GRAMD1B: variants seen among roughly 807,000 people sequenced by gnomAD.
GRAMD1B encodes the protein protein Aster-B.
In GRAMD1B, 37 loss-of-function variants were observed where a neutral mutation model predicts 99.7. The observed-to-expected ratio is 0.37, with a 90% CI of 0.29 to 0.49. The LOEUF is 0.49. GRAMD1B is among the 20% of genes least tolerant of loss of function. GRAMD1B has a pLI of 0.98. For missense variants in GRAMD1B, 888 were observed against 1,009.2 expected, an observed-to-expected ratio of 0.88 and a Z score of 1.63; for synonymous variants, 427 against 387.6, an observed-to-expected ratio of 1.10 and a Z score of -1.19.
chr11:123,493,390 C>T (rs1938836027), intron 2 of GRAMD1B, among the ~76,000 whole-genome samples: 2 of 152,178 alleles, frequency 1.3e-5, no homozygotes, highest in East Asian at 1.9e-4. Context: ...CTGGGCTTAG[C>T]CTGCAAGGGG....
rs923630635 is a variant in GRAMD1B at position 123,598,137 on chromosome 11, A to G, written c.969+2100A>G. 3.9e-5 allele frequency: 62 copies of G among 1,587,796 alleles called. No individual in the cohort carries two copies. The South Asian group carries it at 4.3e-4, about 11-fold the overall frequency. ...AAGTGAGCAGTGTTTGGGATGCCCA[A>G]ACACCTCATGCCATGCCATGAGCAT... is the stretch of plus-strand genomic sequence containing the variant. On this transcript the variant is annotated intron_variant, in intron 7 of 19. Coordinates refer to ENST00000635736, the MANE Select transcript of GRAMD1B (RefSeq NM_001387025.1).
chr11:123,499,740 A>G (rs2714077), intron 2 of GRAMD1B, among the ~76,000 whole-genome samples: 105,698 of 152,064 alleles, frequency 0.7, 36,890 homozygotes, highest in Middle Eastern at 0.72. Flanking sequence ...CTGTGGGAGT[A>G]GAGGTTGTTT....
chr11:123,408,700 A>C (rs1947938625), intron 1 of GRAMD1B, among the ~76,000 whole-genome samples: 1 of 152,256 alleles, frequency 6.6e-6, no homozygotes, highest in African/African-American at 2.4e-5. Flanking sequence ...ACTCATGGGT[A>C]GTGAGCATTC....
At chr11:123,608,964 G>T (rs545646571) in intron 12 of GRAMD1B, among the ~76,000 whole-genome samples, 162 bp downstream of exon 12, 2 of 151,952 alleles carry the variant, frequency 1.3e-5, no homozygotes, top group Non-Finnish European at 2.9e-5. Context: ...TCTGTGGTTC[G>T]GGAGCTCCTT....
At chr11:123,566,496 G>A (rs1419337833) in intron 2 of GRAMD1B, among the ~76,000 whole-genome samples, 1 of 152,162 alleles carries the variant, frequency 6.6e-6, no homozygotes, top group Admixed American at 6.5e-5. Context: ...GCCGAGCGCG[G>A]TGGCTCACGC....
chr11:123,389,492 C>A (rs1947198287), intron 1 of GRAMD1B, among the ~76,000 whole-genome samples: 2 of 151,942 alleles, frequency 1.3e-5, no homozygotes, highest in South Asian at 4.2e-4. Context: ...AAACTGTCAG[C>A]CAAGAGGAGC....
upstream of GRAMD1B, among the ~76,000 whole-genome samples, chr11:123,426,403 TGCTCAGCAGCAAAATGA>T (rs958007499): frequency 2.6e-5 from 4 of 152,220 alleles, no homozygotes; most frequent in East Asian, 5.8e-4. Context: ...CATTTCCTCT[TGCTCAGCAGCAAAATGA>T]GAGCTGCAGA....
chr11:123,593,829 C>A (rs1950949036), intron 4 of GRAMD1B, among the ~76,000 whole-genome samples: 1 of 152,070 alleles, frequency 6.6e-6, no homozygotes, highest in Non-Finnish European at 1.5e-5. Flanking sequence ...TAACGAGAGC[C>A]CCTCCTTGCT....
At chr11:123,428,934 G>A (rs1250418497), upstream of GRAMD1B, among the ~76,000 whole-genome samples, 1 of 152,188 alleles carries the variant, frequency 6.6e-6, no homozygotes, top group East Asian at 1.9e-4. Flanking sequence ...GCTCATGCCT[G>A]TAATCTCAGC....
intron 2 of GRAMD1B, among the ~76,000 whole-genome samples, chr11:123,493,848 C>T (rs1335846339): frequency 1.3e-5 from 2 of 152,112 alleles, no homozygotes; most frequent in African/African-American, 4.8e-5. Context: ...CTGAGTTCTT[C>T]CTCCCTGTTA....
In GRAMD1B at chr11:123,618,267, G is replaced by T. The variant is rs964326421; in HGVS notation, c.2319-426G>T. On this transcript the variant is annotated intron_variant, in intron 17 of 19. Transcript: ENST00000635736. ...TCACTCACTCCCAGGTTGATTTTCA[G>T]TGCAGGTTTCCCCTTCCCCACACTT... The T allele has an allele frequency of 2.5e-6, 3 of 1,212,488 alleles. No homozygotes were observed. The African/African-American group carries it at 4.5e-5, about 18-fold the overall frequency. 75.1% of individuals were successfully genotyped at this position (1,212,488 alleles called of 1,614,324 possible).
At position 123,430,949 on chromosome 11, in the gene GRAMD1B, G is replaced by A; in HGVS notation, c.157G>A (p.Glu53Lys). Residue 53 changes from glutamate to lysine, a missense_variant, in exon 1 of 20, where the codon GAG (glutamate) becomes AAG (lysine). Coordinates refer to ENST00000635736, the MANE Select transcript of GRAMD1B (RefSeq NM_001387025.1). ...GATGCGCCGCATGAAGAACGTACAG[G>A]AGCAGAGCCTGGAGGCCGGGCTGGC... ...FKMRRMKNVQ[E>K]QSLEAGLARD... is the part of the protein sequence containing the mutation. 1.4e-6 allele frequency: 1 copy of A among 702,874 alleles called. No homozygotes were observed. 43.5% of individuals were successfully genotyped at this position (702,874 alleles called of 1,614,324 possible). A position where few individuals can be genotyped will look rare whatever the true frequency, so the allele number is the denominator to read the frequency against.
At chr11:123,376,086 G>A (rs985638330) in intron 1 of GRAMD1B, among the ~76,000 whole-genome samples, 8 of 151,634 alleles carry the variant, frequency 5.3e-5, no homozygotes, top group African/African-American at 1.9e-4. Flanking sequence ...TTTCTTCCCT[G>A]GCCAATATGT....
intron 1 of GRAMD1B, among the ~76,000 whole-genome samples, chr11:123,467,819 T>TTCCC (rs758659782): frequency 3.4e-4 from 48 of 139,846 alleles, no homozygotes; most frequent in Non-Finnish European, 5.0e-4. Flanking sequence ...TTCTTTTCTT[T>TTCCC]TCCCTCCCTC....
intron 2 of GRAMD1B, among the ~76,000 whole-genome samples, chr11:123,494,155 A>G (rs1457835850): frequency 1.3e-5 from 2 of 152,168 alleles, no homozygotes; most frequent in Admixed American, 6.5e-5. Context: ...ATACTTAACT[A>G]CTTACTAAAT....
intron 1 of GRAMD1B, among the ~76,000 whole-genome samples, chr11:123,474,939 C>T (rs1420125741): frequency 5.3e-5 from 8 of 152,138 alleles, no homozygotes; most frequent in Non-Finnish European, 5.9e-5. Flanking sequence ...GCCCCCATGA[C>T]GGCTTGGGAC....
At chr11:123,416,697 C>T (rs1279534120) in intron 1 of GRAMD1B, among the ~76,000 whole-genome samples, 1 of 152,152 alleles carries the variant, frequency 6.6e-6, no homozygotes, top group Non-Finnish European at 1.5e-5. Flanking sequence ...CCAGGCATAA[C>T]TTGTTGCCTG....
chr11:123,426,951 C>G (rs1948674897), upstream of GRAMD1B, among the ~76,000 whole-genome samples: 1 of 152,162 alleles, frequency 6.6e-6, no homozygotes, highest in Non-Finnish European at 1.5e-5. Context: ...GAATAAACAA[C>G]AGTTGCTTGG....
At chr11:123,614,695 G>A (rs760137749) in intron 16 of GRAMD1B, 50 bp from the exon 17 acceptor site, 18 of 1,120,124 alleles carry the variant, frequency 1.6e-5, no homozygotes, top group Non-Finnish European at 2.0e-5. Context: ...ACCAGCAGTT[G>A]TTGGACTTGT....
Sources: gnomAD v4.1 joint callset for allele counts (sites outside exome capture counted in the v4.1 genomes callset) on GRCh38, gnomAD v4.1.1 for gene constraint, MANE v1.5 for transcripts, NCBI Gene and HGNC (gene_info 2026-07-23, HGNC 2026-07-21) for gene names.